Variants in CERS6 observed in about 807,000 individuals in gnomAD.
CERS6 encodes the protein LAG1 homolog, ceramide synthase 6.
In CERS6, 26 loss-of-function variants were observed where a neutral mutation model predicts 56.8. The observed-to-expected ratio is 0.46, with a 90% confidence interval of 0.34 to 0.63. The LOEUF is 0.63. Ranked by LOEUF, CERS6 falls within the 30% of genes least tolerant of loss-of-function variation. The probability of loss-of-function intolerance (pLI) is 0.01; values close to 1 mark genes in which losing one functional copy is unlikely to be tolerated. For synonymous variants in CERS6, 164 were observed against 173.3 expected, an observed-to-expected ratio of 0.95 and a Z score of 0.42; for missense variants, 415 against 467.5, an observed-to-expected ratio of 0.89 and a Z score of 1.04.
At chr2:168,763,960 CACAG>C (rs1206437353) in intron 8 of CERS6, among the ~76,000 whole-genome samples, 1 of 152,160 alleles carries the variant, frequency 6.6e-6, no homozygotes, top group Non-Finnish European at 1.5e-5. Flanking sequence ...TAAGAGCAGA[CACAG>C]GCAGGGACCA....
intron 4 of CERS6, among the ~76,000 whole-genome samples, chr2:168,659,635 A>G (rs1559040540): frequency 6.6e-6 from 1 of 152,000 alleles, no homozygotes; most frequent in Non-Finnish European, 1.5e-5. Context: ...TTTCCATGGT[A>G]CCTTATCTTA....
intron 8 of CERS6, among the ~76,000 whole-genome samples, chr2:168,729,905 G>A (rs1010872441): frequency 2.6e-5 from 4 of 152,226 alleles, no homozygotes; most frequent in African/African-American, 9.6e-5. Flanking sequence ...AGCCTGCTGT[G>A]CATCAGGCAC....
chr2:168,521,048 A>G (rs1020355996), intron 1 of CERS6, among the ~76,000 whole-genome samples: 11 of 152,318 alleles, frequency 7.2e-5, no homozygotes, highest in African/African-American at 2.6e-4. Flanking sequence ...ATAGACATAT[A>G]CGTTTCTGTT....
At chr2:168,706,093 A>T (rs1290932555) in intron 6 of CERS6, among the ~76,000 whole-genome samples, 2 of 152,194 alleles carry the variant, frequency 1.3e-5, no homozygotes, top group African/African-American at 4.8e-5. Flanking sequence ...TTCAATGAAT[A>T]GAAAGACATA....
chr2:168,544,067 A>G (rs944191478), intron 1 of CERS6, among the ~76,000 whole-genome samples: 2 of 152,240 alleles, frequency 1.3e-5, no homozygotes, highest in Non-Finnish European at 2.9e-5. Flanking sequence ...TGTGCCAGGC[A>G]TATAAATGAA....
intron 5 of CERS6, among the ~76,000 whole-genome samples, chr2:168,693,511 C>T (rs1411169095): frequency 6.6e-6 from 1 of 152,026 alleles, no homozygotes; most frequent in Non-Finnish European, 1.5e-5. Flanking sequence ...GAGCCAGGGC[C>T]CGATTTTCTA....
chr2:168,688,371 C>T (rs1476024763), intron 4 of CERS6, among the ~76,000 whole-genome samples: 1 of 150,244 alleles, frequency 6.7e-6, no homozygotes, highest in Non-Finnish European at 1.5e-5. Flanking sequence ...AGGCAGAGGT[C>T]GCGCCACTAT....
chr2:168,494,955 T>G (rs955954636), intron 1 of CERS6, among the ~76,000 whole-genome samples: 3 of 152,140 alleles, frequency 2.0e-5, no homozygotes, highest in African/African-American at 7.2e-5. Flanking sequence ...ATTCCTTAGC[T>G]TGGAACCTTG....
intron 8 of CERS6, among the ~76,000 whole-genome samples, chr2:168,724,224 G>T (rs1182932548): frequency 1.3e-5 from 2 of 151,388 alleles, no homozygotes. Context: ...CTCTTAAGAC[G>T]GTGCGTCTGG....
chr2:168,673,177 A>G (rs1297461111), intron 4 of CERS6, among the ~76,000 whole-genome samples: 1 of 152,192 alleles, frequency 6.6e-6, no homozygotes, highest in Non-Finnish European at 1.5e-5. Context: ...TAATTCAGAA[A>G]ATTTTATTTT....
intron 4 of CERS6, among the ~76,000 whole-genome samples, chr2:168,680,716 A>G (rs548311223): frequency 6.6e-6 from 1 of 152,344 alleles, no homozygotes; most frequent in Non-Finnish European, 1.5e-5. Flanking sequence ...GGCTTCACAC[A>G]GCCTTTGGGT....
At chr2:168,720,530 T>C (rs1687337218) in intron 8 of CERS6, among the ~76,000 whole-genome samples, 1 of 152,196 alleles carries the variant, frequency 6.6e-6, no homozygotes, top group Non-Finnish European at 1.5e-5. Context: ...CAGGATAGTA[T>C]ACTGGTTAGC....
chr2:168,736,485 C>T (rs999252481), intron 8 of CERS6, among the ~76,000 whole-genome samples: 1 of 151,724 alleles, frequency 6.6e-6, no homozygotes, highest in Non-Finnish European at 1.5e-5. Flanking sequence ...CCACTGTGCC[C>T]AGCTAATTAA....
intron 4 of CERS6, among the ~76,000 whole-genome samples, chr2:168,657,728 T>G (rs1319298921): frequency 1.3e-5 from 2 of 152,174 alleles, no homozygotes; most frequent in Non-Finnish European, 2.9e-5. Flanking sequence ...GGCTGGCTGC[T>G]CCGAGTGCGG....
At chr2:168,700,514 A>G (rs1014466862) in intron 6 of CERS6, among the ~76,000 whole-genome samples, 7 of 152,196 alleles carry the variant, frequency 4.6e-5, no homozygotes, top group African/African-American at 1.7e-4. Context: ...CATAAAAGAA[A>G]GGGAGAAAGG....
intron 4 of CERS6, among the ~76,000 whole-genome samples, chr2:168,672,635 A>G (rs1170872556): frequency 2.0e-5 from 3 of 152,190 alleles, no homozygotes; most frequent in African/African-American, 4.8e-5. Flanking sequence ...CACATTTTCT[A>G]TATCATCCTA....
intron 4 of CERS6, among the ~76,000 whole-genome samples, chr2:168,674,744 G>A (rs10930336): frequency 0.66 from 99,849 of 152,002 alleles, 36,435 homozygotes; most frequent in Non-Finnish European, 0.81. Context: ...AGAGCAGCTC[G>A]GCTCCATGTG....
At position 168,649,682 on chromosome 2, in the gene CERS6, A is replaced by G. The variant is rs140214115; in HGVS notation, c.465+18640A>G. Reference sequence around the variant, plus strand: ...TTTGCCACTGGTAGACCTAAGTGCTATCACCCCTTCCTACCTTGGCTTACC... The same window carrying G: ...TTTGCCACTGGTAGACCTAAGTGCTGTCACCCCTTCCTACCTTGGCTTACC... On this transcript the variant is annotated intron_variant, in intron 4 of 9. Coordinates refer to ENST00000305747, the MANE Select transcript of CERS6 (RefSeq NM_203463.3). Among the ~76,000 whole-genome samples the G allele has an allele frequency of 1.7e-3, 251 of 152,114 alleles. 2 individuals carry two copies. Among genetic ancestry groups the G allele is most frequent in the Non-Finnish European group, 2.9e-3 (197 of 67,972 alleles).
chr2:168,768,919 A>AG (rs1454834740), intron 9 of CERS6, among the ~76,000 whole-genome samples: 15 of 150,596 alleles, frequency 1.0e-4, no homozygotes, highest in African/African-American at 3.7e-4. Flanking sequence ...AAAAAAAAAA[A>AG]AAAGAAAAGA....
Sources: allele counts gnomAD v4.1 joint callset (sites outside exome capture counted in the v4.1 genomes callset), GRCh38; gene constraint gnomAD v4.1.1; transcripts MANE v1.5; gene names NCBI Gene and HGNC (gene_info 2026-07-23, HGNC 2026-07-21).